The following NRP1 variants were observed in gnomAD, a reference collection of about 807,000 sequenced individuals.
NRP1 encodes neuropilin 1.
Under a neutral mutation model 106.7 loss-of-function variants are expected in NRP1, and 35 were observed. The observed-to-expected ratio is 0.33, with a 90% CI of 0.25 to 0.43. The LOEUF is 0.43. Among genes scored for constraint, NRP1 ranks in the 20% least tolerant of loss-of-function variants. NRP1 has a pLI of 1.00. For synonymous variants in NRP1, 437 were observed against 417.9 expected (o/e 1.05, Z -0.56); for missense variants, 1,024 against 1,170.4 (o/e 0.87, Z 1.83).
At chr10:33,278,581 T>C (rs1843881716) in intron 2 of NRP1, among the ~76,000 whole-genome samples, 2 of 152,230 alleles carry the variant, frequency 1.3e-5, no homozygotes, top group African/African-American at 2.4e-5. Flanking sequence ...TCTTTTCTTA[T>C]GTCGTTGTCT....
At chr10:33,324,031 G>A (rs545150732) in intron 2 of NRP1, among the ~76,000 whole-genome samples, 5 of 152,090 alleles carry the variant, frequency 3.3e-5, no homozygotes, top group South Asian at 2.1e-4. Context: ...CCTTTAGCTC[G>A]CAAAAGTTGC....
At chr10:33,213,762 C>T (rs1024061613) in intron 8 of NRP1, 45 bp from the exon 9 acceptor site, 32 of 1,377,758 alleles carry the variant, frequency 2.3e-5, no homozygotes, top group Middle Eastern at 3.7e-4. Context: ...ATTTCCTGGG[C>T]GACTCCATGC....
Position 33,186,321 on chromosome 10 carries a change from T to C in NRP1, c.2230A>G (p.Lys744Glu). The C allele has an allele frequency of 6.2e-7, 1 of 1,614,096 alleles. No individual in the cohort carries two copies. The highest frequency in any genetic ancestry group is 1.1e-5 in the South Asian group (1 of 91,074). Residue 744 changes from lysine to glutamate, a missense_variant, in exon 14 of 17, where the codon AAG becomes GAG. Lys to Glu is a moderately conservative substitution (Grantham distance 56). Around this residue, in one of 5 missense-constraint regions of NRP1, gnomAD observed 562 missense variants for 620.3 expected, o/e 0.91. Coordinates refer to ENST00000374867, the MANE Select transcript of NRP1 (RefSeq NM_003873.7). ...ACCAGCTGATCGTACTCCTCTGGCT[T>C]CTGGTAGCGCAGTTTGACCCTGAGT... ...GTLRVKLRYQ[K>E]PEEYDQLVWM... is the part of the protein sequence containing the mutation.
chr10:33,189,107 G>A (rs561067061), intron 13 of NRP1, among the ~76,000 whole-genome samples: 1 of 149,564 alleles, frequency 6.7e-6, no homozygotes, highest in Non-Finnish European at 1.5e-5. Flanking sequence ...CCAACTTAAG[G>A]TATAGTATAA....
chr10:33,255,272 TAAATA>T (rs1273565848), intron 5 of NRP1, among the ~76,000 whole-genome samples: 8 of 152,292 alleles, frequency 5.3e-5, no homozygotes, highest in Non-Finnish European at 1.0e-4. Context: ...ATAAATCAAT[TAAATA>T]AAATACAAAT....
chr10:33,235,014 C>A (rs1232208751), intron 6 of NRP1, among the ~76,000 whole-genome samples: 1 of 152,180 alleles, frequency 6.6e-6, no homozygotes, highest in African/African-American at 2.4e-5. Context: ...TGACCTCCGT[C>A]TTTTTTGGCA....
intron 2 of NRP1, among the ~76,000 whole-genome samples, chr10:33,319,862 A>C (rs1405699567): frequency 2.6e-5 from 4 of 151,232 alleles, no homozygotes; most frequent in Admixed American, 2.0e-4. Flanking sequence ...CTGGGATTGC[A>C]GGCCTGAGCC....
intron 11 of NRP1, chr10:33,201,491 G>A (rs943024998): frequency 6.6e-6 from 1 of 152,310 alleles, no homozygotes; most frequent in East Asian, 1.9e-4. Flanking sequence ...TTGTGGCAGA[G>A]TGTTTACAGG....
intron 9 of NRP1, 97 bp from the exon 10 acceptor site, chr10:33,207,813 C>T (rs1837924742): frequency 1.5e-6 from 2 of 1,347,432 alleles, no homozygotes; most frequent in Admixed American, 2.2e-5. Flanking sequence ...CTGAATAAGG[C>T]AGAGAAATTG....
intron 13 of NRP1, 48 bp downstream of exon 13, chr10:33,192,233 T>A (rs1263791596): frequency 6.3e-7 from 1 of 1,583,322 alleles, no homozygotes; most frequent in East Asian, 2.3e-5. Flanking sequence ...AGCCTCGGAA[T>A]CAAAGAGAAT....
chr10:33,185,130 T>C (rs1835916850), intron 15 of NRP1, among the ~76,000 whole-genome samples: 1 of 152,230 alleles, frequency 6.6e-6, no homozygotes, highest in African/African-American at 2.4e-5. Flanking sequence ...CTTTAAGTCA[T>C]TTCAGATATT....
intron 6 of NRP1, among the ~76,000 whole-genome samples, chr10:33,250,001 A>T (rs995826358): frequency 2.6e-5 from 4 of 152,152 alleles, no homozygotes. Context: ...CGCCTTATTA[A>T]TTTAACACAT....
At chr10:33,321,043 A>G (rs1266543673) in intron 2 of NRP1, among the ~76,000 whole-genome samples, 2 of 152,182 alleles carry the variant, frequency 1.3e-5, no homozygotes, top group Non-Finnish European at 2.9e-5. Context: ...CTAGAGTGCA[A>G]TGGCCTGATC....
At chr10:33,230,597 ATGTGTG>A (rs10558085) in intron 6 of NRP1, among the ~76,000 whole-genome samples, 26,763 of 144,570 alleles carry the variant, frequency 0.19, 2,490 homozygotes, top group Admixed American at 0.27. Context: ...TTTCTCATAT[ATGTGTG>A]TGTGTGTGTG....
intron 2 of NRP1, among the ~76,000 whole-genome samples, chr10:33,302,440 T>C (rs1289954497): frequency 6.6e-6 from 1 of 152,194 alleles, no homozygotes; most frequent in Non-Finnish European, 1.5e-5. Context: ...CCTCTGAGGT[T>C]GTGGGCTCCT....
chr10:33,229,220 G>C (rs924306810), intron 6 of NRP1, among the ~76,000 whole-genome samples: 1 of 152,130 alleles, frequency 6.6e-6, no homozygotes, highest in African/African-American at 2.4e-5. Context: ...TATGTTATCT[G>C]ACAACCCTAA....
At chr10:33,230,481 C>A (rs1332639561) in intron 6 of NRP1, among the ~76,000 whole-genome samples, 1 of 152,074 alleles carries the variant, frequency 6.6e-6, no homozygotes. Context: ...GGCATAAATT[C>A]TCCCCCTCTA....
intron 4 of NRP1, among the ~76,000 whole-genome samples, chr10:33,261,861 T>A (rs765533931): frequency 1.3e-5 from 2 of 152,102 alleles, no homozygotes; most frequent in Non-Finnish European, 2.9e-5. Context: ...CTCAGCCTCC[T>A]GAGTAGCTGA....
chr10:33,243,153 C>T (rs1841149716), intron 6 of NRP1, among the ~76,000 whole-genome samples: 1 of 152,056 alleles, frequency 6.6e-6, no homozygotes, highest in Admixed American at 6.6e-5. Context: ...GAAAAAGGCC[C>T]CGCGAGTGAA....
Sources: gnomAD v4.1 joint callset for allele counts (sites outside exome capture counted in the v4.1 genomes callset) on GRCh38, gnomAD v4.1.1 for gene constraint, gnomAD v4.1.1 regional missense constraint, MANE v1.5 for transcripts, NCBI Gene and HGNC (gene_info 2026-07-23, HGNC 2026-07-21) for gene names.